The following CNTNAP2 variants were observed in gnomAD, a reference collection of about 807,000 sequenced individuals.
CNTNAP2 encodes contactin associated protein 2.
Under a neutral mutation model 155.2 loss-of-function variants are expected in CNTNAP2, and 98 were observed. The observed-to-expected ratio is 0.63, with a 90% CI of 0.54 to 0.75. The LOEUF is 0.75. Ranked by LOEUF, CNTNAP2 falls within the 30% of genes least tolerant of loss-of-function variation. The probability of loss-of-function intolerance (pLI) is 0.00; values close to 1 mark genes in which losing one functional copy is unlikely to be tolerated. For synonymous variants in CNTNAP2, 651 were observed against 631.2 expected, an observed-to-expected ratio of 1.03 and a Z score of -0.47; for missense variants, 1,727 against 1,688.1, an observed-to-expected ratio of 1.02 and a Z score of -0.40.
intron 1 of CNTNAP2, among the ~76,000 whole-genome samples, chr7:146,337,971 G>C (rs772880205): frequency 1.8e-4 from 28 of 152,268 alleles, no homozygotes; most frequent in Non-Finnish European, 2.6e-4. Flanking sequence ...TTGCAAAATA[G>C]TGAGATATTT....
At chr7:147,862,590 G>A (rs563710787) in intron 13 of CNTNAP2, among the ~76,000 whole-genome samples, 14 of 151,882 alleles carry the variant, frequency 9.2e-5, no homozygotes, top group African/African-American at 3.1e-4. Context: ...CCTTACATTA[G>A]CACTCAGCTT....
intron 9 of CNTNAP2, among the ~76,000 whole-genome samples, chr7:147,346,216 G>A (rs1159738536): frequency 2.0e-5 from 3 of 148,862 alleles, no homozygotes; most frequent in East Asian, 2.0e-4. Flanking sequence ...CTGCAGTGGC[G>A]CAATCTCGGC....
chr7:147,682,861 T>C (rs1795967799), intron 13 of CNTNAP2, among the ~76,000 whole-genome samples: 1 of 151,940 alleles, frequency 6.6e-6, no homozygotes, highest in Admixed American at 6.6e-5. Flanking sequence ...CAGTTAAGGT[T>C]TTTTGGGTTT....
chr7:148,375,323 T>C lies in CNTNAP2; in HGVS notation c.3476-8326T>C, dbSNP rs562129353. 6.0e-4 allele frequency among the ~76,000 whole-genome samples: 88 copies of C among 147,714 alleles called. 2 individuals carry two copies. The South Asian group carries it at 0.016, about 27-fold the overall frequency. On this transcript the variant is annotated intron_variant, in intron 21 of 23. Transcript: ENST00000361727. ...ATATATAAACTATAAATATAAAATATAAATATATATATTTTTATATATATA... is the reference window on the plus strand; with the variant it reads ...ATATATAAACTATAAATATAAAATACAAATATATATATTTTTATATATATA...
intron 12 of CNTNAP2, among the ~76,000 whole-genome samples, chr7:147,591,230 C>T (rs116315768): frequency 0.011 from 1,746 of 152,296 alleles, 31 homozygotes; most frequent in African/African-American, 0.04. Flanking sequence ...GACTGGGTAG[C>T]TTAAACAATA....
chr7:147,147,791 T>A (rs17170336), intron 8 of CNTNAP2, among the ~76,000 whole-genome samples: 12,691 of 152,170 alleles, frequency 0.083, 579 homozygotes, highest in Non-Finnish European at 0.11. Context: ...CTACCTTTAC[T>A]AACTTGCTCT....
chr7:147,198,503 A>G (rs1035098846), intron 8 of CNTNAP2, among the ~76,000 whole-genome samples: 1 of 152,188 alleles, frequency 6.6e-6, no homozygotes, highest in Admixed American at 6.5e-5. Context: ...GAGTGCTGGG[A>G]TTACAGGTGT....
At chr7:148,291,447 C>A (rs1797188000) in intron 21 of CNTNAP2, among the ~76,000 whole-genome samples, 1 of 152,036 alleles carries the variant, frequency 6.6e-6, no homozygotes, top group Admixed American at 6.6e-5. Context: ...TGTTCCAGGG[C>A]AGGAAGCATC....
At chr7:148,407,738 T>C (rs926330209) in intron 22 of CNTNAP2, among the ~76,000 whole-genome samples, 27 of 141,094 alleles carry the variant, frequency 1.9e-4, no homozygotes, top group African/African-American at 6.7e-4. Context: ...ATTGAGCCAG[T>C]TAAAACAAGC....
chr7:147,966,843 A>T (rs2708284), intron 14 of CNTNAP2, among the ~76,000 whole-genome samples: 125 of 152,106 alleles, frequency 8.2e-4, no homozygotes, highest in Non-Finnish European at 1.6e-3. Flanking sequence ...CATCAAGGCA[A>T]GAGTGAGGAG....
intron 2 of CNTNAP2, among the ~76,000 whole-genome samples, chr7:146,780,100 T>G (rs1317371130): frequency 6.6e-6 from 1 of 152,136 alleles, no homozygotes; most frequent in African/African-American, 2.4e-5. Context: ...CACACTGTCT[T>G]CCACAATGGT....
chr7:147,103,074 A>C (rs1800688166), intron 4 of CNTNAP2, among the ~76,000 whole-genome samples: 1 of 152,190 alleles, frequency 6.6e-6, no homozygotes, highest in South Asian at 2.1e-4. Context: ...ATGAAGTATG[A>C]AATAATAGTG....
intron 8 of CNTNAP2, among the ~76,000 whole-genome samples, chr7:147,205,108 C>A (rs1321887923): frequency 4.6e-5 from 7 of 152,022 alleles, no homozygotes; most frequent in Admixed American, 2.0e-4. Context: ...ATTTCAGGAC[C>A]TTTTGTGGTA....
At chr7:148,295,525 T>C (rs112326149) in intron 21 of CNTNAP2, among the ~76,000 whole-genome samples, 2,329 of 150,040 alleles carry the variant, frequency 0.016, 76 homozygotes, top group African/African-American at 0.055. Context: ...GGAGTCTCGC[T>C]CTGTCGCCCA....
chr7:147,551,138 CAA>C (rs1363186233), intron 11 of CNTNAP2, among the ~76,000 whole-genome samples: 2 of 152,124 alleles, frequency 1.3e-5, no homozygotes, highest in Non-Finnish European at 2.9e-5. Flanking sequence ...AATTAGAAGA[CAA>C]ACAGTATAGG....
chr7:148,289,799 G>A (rs1197493634), intron 21 of CNTNAP2, among the ~76,000 whole-genome samples: 1 of 152,144 alleles, frequency 6.6e-6, no homozygotes, highest in African/African-American at 2.4e-5. Flanking sequence ...AGAAACCAAG[G>A]CTGTTGGGGG....
At chr7:146,301,843 T>C (rs888322906) in intron 1 of CNTNAP2, among the ~76,000 whole-genome samples, 2 of 152,036 alleles carry the variant, frequency 1.3e-5, no homozygotes, top group Non-Finnish European at 2.9e-5. Flanking sequence ...GAAATTGTTG[T>C]GGTATTGTGA....
chr7:148,137,647 G>C (rs1804981661), intron 16 of CNTNAP2, among the ~76,000 whole-genome samples: 1 of 143,310 alleles, frequency 7.0e-6, no homozygotes, highest in South Asian at 2.1e-4. Context: ...GGGCAACAGA[G>C]CAAAAGTCTA....
intron 13 of CNTNAP2, among the ~76,000 whole-genome samples, chr7:147,718,085 T>C (rs1479235451): frequency 6.6e-6 from 1 of 152,142 alleles, no homozygotes; most frequent in Non-Finnish European, 1.5e-5. Context: ...TTGCTTGATA[T>C]AGTATCTGAT....
Sources: gnomAD v4.1 joint callset for allele counts (sites outside exome capture counted in the v4.1 genomes callset) on GRCh38, gnomAD v4.1.1 for gene constraint, MANE v1.5 for transcripts, NCBI Gene and HGNC (gene_info 2026-07-23, HGNC 2026-07-21) for gene names.